Variants in RPH3A observed in about 807,000 individuals in gnomAD.
RPH3A encodes rabphilin-3A.
In RPH3A, 48 loss-of-function variants were observed where a neutral mutation model predicts 102.2. The observed-to-expected ratio is 0.47, with a 90% confidence interval of 0.37 to 0.60. The LOEUF (loss-of-function observed/expected upper bound fraction) is 0.60, where lower values mean the gene tolerates loss of function less well. Among genes scored for constraint, RPH3A ranks in the 20% least tolerant of loss-of-function variants. The probability of loss-of-function intolerance (pLI) is 0.00; values close to 1 mark genes in which losing one functional copy is unlikely to be tolerated. For missense variants in RPH3A, 781 were observed against 910.1 expected, an observed-to-expected ratio of 0.86 and a Z score of 1.83; for synonymous variants, 310 against 324.3, an observed-to-expected ratio of 0.96 and a Z score of 0.47.
chr12:112,819,168 T>G (rs2136134976), intron 2 of RPH3A, among the ~76,000 whole-genome samples: 1 of 152,180 alleles, frequency 6.6e-6, no homozygotes, highest in Non-Finnish European at 1.5e-5. Context: ...TGCAGTGGCA[T>G]GATCTCAGCT....
intron 1 of RPH3A, among the ~76,000 whole-genome samples, chr12:112,657,794 G>A (rs2136001206): frequency 6.6e-6 from 1 of 152,286 alleles, no homozygotes; most frequent in East Asian, 1.9e-4. Flanking sequence ...TAGGGGAAGT[G>A]GGTAGGGAGT....
chr12:112,606,763 G>C (rs1489685376), intron 1 of RPH3A, among the ~76,000 whole-genome samples: 1 of 152,132 alleles, frequency 6.6e-6, no homozygotes, highest in South Asian at 2.1e-4. Flanking sequence ...GTGAGAGAAG[G>C]GGGAGGTGCT....
chr12:112,708,329 A>G (rs2136033302), intron 1 of RPH3A, among the ~76,000 whole-genome samples: 1 of 152,248 alleles, frequency 6.6e-6, no homozygotes, highest in East Asian at 1.9e-4. Flanking sequence ...CAGGAGGGGA[A>G]AAGGGGCACA....
intron 1 of RPH3A, among the ~76,000 whole-genome samples, chr12:112,685,934 A>G (rs185839136): frequency 3.3e-5 from 5 of 152,356 alleles, no homozygotes; most frequent in Admixed American, 3.3e-4. Flanking sequence ...AATGCAGAGC[A>G]TGGAGGAGTG....
At chr12:112,844,915 G>A (rs925630799) in intron 4 of RPH3A, among the ~76,000 whole-genome samples, 7 of 152,202 alleles carry the variant, frequency 4.6e-5, no homozygotes, top group East Asian at 1.9e-4. Context: ...ATAGGGGATC[G>A]AGGAGCCACT....
At chr12:112,587,262 A>C (rs1260200735) in intron 1 of RPH3A, among the ~76,000 whole-genome samples, 1 of 152,238 alleles carries the variant, frequency 6.6e-6, no homozygotes, top group Non-Finnish European at 1.5e-5. Context: ...ATTTAGAGAA[A>C]GAGGTAATAA....
chr12:112,725,766 T>G (rs1215696600), intron 1 of RPH3A, among the ~76,000 whole-genome samples: 2 of 148,488 alleles, frequency 1.3e-5, no homozygotes, highest in East Asian at 2.0e-4. Flanking sequence ...GAGTGTAGTT[T>G]TTGTTGTTGT....
intron 14 of RPH3A, among the ~76,000 whole-genome samples, chr12:112,880,021 G>A (rs78010789): frequency 0.025 from 3,737 of 152,286 alleles, 67 homozygotes; most frequent in Non-Finnish European, 0.037. Flanking sequence ...TTCTATGCCT[G>A]TTGCCTCGCT....
At chr12:112,711,741 G>A (rs1179444219) in intron 1 of RPH3A, among the ~76,000 whole-genome samples, 1 of 152,196 alleles carries the variant, frequency 6.6e-6, no homozygotes, top group East Asian at 1.9e-4. Context: ...GCAGGTAGGA[G>A]GAGTGATAAC....
At chr12:112,635,588 G>A (rs2039842852) in intron 1 of RPH3A, among the ~76,000 whole-genome samples, 1 of 152,140 alleles carries the variant, frequency 6.6e-6, no homozygotes, top group Non-Finnish European at 1.5e-5. Flanking sequence ...ATGATTGCCT[G>A]AATATTAGGA....
At chr12:112,819,723 G>A (rs1008556127) in intron 2 of RPH3A, among the ~76,000 whole-genome samples, 1 of 152,240 alleles carries the variant, frequency 6.6e-6, no homozygotes, top group Admixed American at 6.5e-5. Context: ...TGGTCATCCT[G>A]TATTTTGGCT....
chr12:112,696,345 T>C (rs1251846177), intron 1 of RPH3A, among the ~76,000 whole-genome samples: 3 of 152,246 alleles, frequency 2.0e-5, no homozygotes, highest in Non-Finnish European at 4.4e-5. Context: ...TTTGGGTAGA[T>C]ACTCAGTAGT....
At chr12:112,608,276 T>C (rs1047440387) in intron 1 of RPH3A, among the ~76,000 whole-genome samples, 6 of 151,794 alleles carry the variant, frequency 4.0e-5, no homozygotes, top group Admixed American at 2.6e-4. Context: ...TCACCACATC[T>C]GGCTATTTTT....
At chr12:112,784,273 CA>C (rs2041028667) in intron 1 of RPH3A, among the ~76,000 whole-genome samples, 1 of 152,128 alleles carries the variant, frequency 6.6e-6, no homozygotes, top group Non-Finnish European at 1.5e-5. Context: ...TTCACTTGTT[CA>C]AATTCAGTCC....
chr12:112,705,177 G>A (rs1565853760), intron 1 of RPH3A, among the ~76,000 whole-genome samples: 1 of 152,292 alleles, frequency 6.6e-6, no homozygotes, highest in East Asian at 1.9e-4. Context: ...AAAAGGTAGG[G>A]ATCTGCTCCT....
intron 1 of RPH3A, among the ~76,000 whole-genome samples, chr12:112,658,883 AT>A (rs2040031682): frequency 6.6e-6 from 1 of 152,174 alleles, no homozygotes; most frequent in Non-Finnish European, 1.5e-5. Flanking sequence ...CTCATGGTCC[AT>A]CTACTTGGGC....
At chr12:112,797,824 C>G (rs2041263575) in intron 2 of RPH3A, among the ~76,000 whole-genome samples, 1 of 151,968 alleles carries the variant, frequency 6.6e-6, no homozygotes, top group South Asian at 2.1e-4. Flanking sequence ...TGCCAAGTAG[C>G]TGGAAGTACA....
chr12:112,857,973 T>A (rs766763559), intron 5 of RPH3A, among the ~76,000 whole-genome samples: 1 of 152,134 alleles, frequency 6.6e-6, no homozygotes, highest in Non-Finnish European at 1.5e-5. Context: ...TGTCCAAGTG[T>A]TGTCTCTAAA....
chr12:112,629,313 G>T (rs1011801009), intron 1 of RPH3A, among the ~76,000 whole-genome samples: 7 of 150,202 alleles, frequency 4.7e-5, no homozygotes, highest in Admixed American at 2.6e-4. Context: ...TTTGTGTTGG[G>T]TTTAATTTTA....
Sources: allele counts gnomAD v4.1 joint callset (sites outside exome capture counted in the v4.1 genomes callset), GRCh38; gene constraint gnomAD v4.1.1; transcripts MANE v1.5; gene names NCBI Gene and HGNC (gene_info 2026-07-23, HGNC 2026-07-21).